The following LRP1 variants were observed in gnomAD, a reference collection of about 807,000 sequenced individuals.
The protein encoded by LRP1 is LDL receptor related protein 1.
Under a neutral mutation model 541.5 loss-of-function variants are expected in LRP1, and 51 were observed. The observed-to-expected ratio is 0.09, with a 90% CI of 0.08 to 0.12. The LOEUF (loss-of-function observed/expected upper bound fraction) is 0.12, where lower values mean the gene tolerates loss of function less well. Ranked by LOEUF, LRP1 falls within the 10% of genes least tolerant of loss-of-function variation. The pLI is 1.00. For missense variants in LRP1, 3,878 were observed against 6,376.2 expected (o/e 0.61, Z 13.34); for synonymous variants, 2,219 against 2,470.8 (o/e 0.90, Z 3.02).
Position 57,184,194 on chromosome 12 carries a change from C to T in LRP1, c.6039C>T (p.Ile2013=), listed in dbSNP as rs372035479. The change falls in exon 37 of 89, where the codon ATC becomes ATT. Residue 2013 remains isoleucine (I), a synonymous_variant. Transcript: ENST00000243077. The surrounding 1 kb of genome is among the most constrained non-coding windows in gnomAD (Gnocchi z 7.8). ...ISQGLDKPRA[I]TVHPEKGYLF... is the part of the protein sequence containing the mutation. ...AGGGTCTAGACAAGCCCCGGGCCAT[C>T]ACCGTCCACCCGGAGAAAGGGTGAG... The T allele has an allele frequency of 6.2e-6, 10 of 1,614,020 alleles. No homozygotes were observed. The highest frequency in any genetic ancestry group is 1.6e-4 in the Middle Eastern group (1 of 6,062).
Position 57,189,896 on chromosome 12 carries a change from C to G in LRP1, c.7032-909C>G, listed in dbSNP as rs1202645239. ...GCTCTGGGACCGAGGACCCAGGGCT[C>G]ACCATCCAATGCCGGTGGTCCAAGG... On this transcript the variant is annotated intron_variant, in intron 42 of 88. Coordinates refer to ENST00000243077, the MANE Select transcript of LRP1 (RefSeq NM_002332.3). This position sits in a 1 kb window ranked among gnomAD's most constrained non-coding sequence, Gnocchi z 4.4. Among the ~76,000 whole-genome samples, 1 of 152,108 alleles carries G rather than the reference C, an allele frequency of 6.6e-6. No individual in the cohort carries two copies. Among genetic ancestry groups the G allele is most frequent in the Non-Finnish European group, 1.5e-5 (1 of 68,008 alleles).
chr12:57,146,601 G>A (rs757728478), intron 6 of LRP1: 10 of 152,202 alleles, frequency 6.6e-5, no homozygotes, highest in Non-Finnish European at 1.0e-4. Flanking sequence ...GGATGGTGGC[G>A]AGCAGGGGTT....
At chr12:57,192,575 C>G (rs906100682) in intron 44 of LRP1, among the ~76,000 whole-genome samples, 1 of 152,156 alleles carries the variant, frequency 6.6e-6, no homozygotes, top group Non-Finnish European at 1.5e-5. Context: ...CCCTCAGACT[C>G]GAATCTCTCA....
chr12:57,158,288 TA>T lies in LRP1; in HGVS notation c.1562-112del. 1.2e-6 allele frequency: 1 copy of T among 836,666 alleles called. No individual in the cohort carries two copies. Among genetic ancestry groups the T allele is most frequent in the Non-Finnish European group, 1.9e-6 (1 of 518,658 alleles). The allele number at this position is 836,666 out of a possible 1,614,324, so 51.8% of individuals were successfully genotyped here. A position where few individuals can be genotyped will look rare whatever the true frequency, so the allele number is the denominator to read the frequency against. On this transcript the variant is annotated intron_variant, in intron 10 of 88. Transcript: ENST00000243077. This position sits in a 1 kb window ranked among gnomAD's most constrained non-coding sequence, Gnocchi z 5.3. ...CATCTGACCCAGAGCCTCGCATCCC[TA>T]ACGTCTCCTGACCCATCACAGCTAG... is the stretch of plus-strand genomic sequence containing the variant.
chr12:57,162,665 C>A lies in LRP1; in HGVS notation c.2404+147C>A, dbSNP rs1026727662. The A allele has an allele frequency of 3.6e-6, 4 of 1,099,852 alleles. No individual in the cohort carries two copies. The highest frequency in any genetic ancestry group is 5.2e-6 in the Non-Finnish European group (4 of 765,264). 68.1% of individuals were successfully genotyped at this position (1,099,852 alleles called of 1,614,324 possible). ...GATCCTGAGAAGAGAACTCCCCCAA[C>A]ACAATCTGATTCTCTGTTCCCCATT... is the stretch of plus-strand genomic sequence containing the variant. On this transcript the variant is annotated intron_variant, in intron 14 of 88. Coordinates refer to ENST00000243077, the MANE Select transcript of LRP1 (RefSeq NM_002332.3). The surrounding 1 kb of genome is among the most constrained non-coding windows in gnomAD (Gnocchi z 5.2).
chr12:57,203,671 A>T (rs951224346), intron 70 of LRP1, 150 bp downstream of exon 70: 1 of 1,042,902 alleles, frequency 9.6e-7, no homozygotes, highest in Non-Finnish European at 1.3e-6. Flanking sequence ...GCACTGCCAT[A>T]GGTGTTAGGG....
Position 57,165,498 on chromosome 12 carries a change from A to C in LRP1, c.2531-307A>C. 3 of 244,258 alleles carry C rather than the reference A, an allele frequency of 1.2e-5. No individual in the cohort carries two copies. The highest frequency in any genetic ancestry group is 1.6e-5 in the Non-Finnish European group (2 of 125,136). The allele number at this position is 244,258 out of a possible 1,614,324, so 15.1% of individuals were successfully genotyped here. On this transcript the variant is annotated intron_variant, in intron 15 of 88. Coordinates refer to ENST00000243077, the MANE Select transcript of LRP1 (RefSeq NM_002332.3). This position sits in a 1 kb window ranked among gnomAD's most constrained non-coding sequence, Gnocchi z 4.5. ...GGGAAGTTCATGGAGAAGTCAGGGA[A>C]GGAGTGGGGAGAGCCTGTTCGGTGG...
rs541919884 is a variant in LRP1, at chr12:57,172,513, T to C, written c.3164-655T>C. Among the ~76,000 whole-genome samples, 16 of 152,230 alleles carry C rather than the reference T, an allele frequency of 1.1e-4. No homozygotes were observed. In the South Asian group the frequency reaches 3.1e-3, roughly 30 times the overall value. On this transcript the variant is annotated intron_variant, in intron 20 of 88. Transcript: ENST00000243077. ...TGCTGGCGTAGTCCTATCTCGGAGA[T>C]GAGACTTTGCAGCGGCTGTTCCCCT...
intron 1 of LRP1, among the ~76,000 whole-genome samples, chr12:57,131,686 GT>G (rs2035042626): frequency 6.6e-6 from 1 of 152,166 alleles, no homozygotes; most frequent in African/African-American, 2.4e-5. Context: ...TCATTTTGGG[GT>G]TGGAGGGATA....
rs34010163 is a variant in LRP1, at chr12:57,177,947, C to CTTT, written c.4361+373_4361+375dup. 2.5e-5 allele frequency among the ~76,000 whole-genome samples: 3 copies of CTTT among 121,370 alleles called. No individual in the cohort carries two copies. The highest frequency in any genetic ancestry group is 5.0e-5 in the Non-Finnish European group (3 of 59,800). 79.6% of individuals were successfully genotyped at this position (121,370 alleles called of 152,430 possible). On this transcript the variant is annotated intron_variant, in intron 26 of 88. Coordinates refer to ENST00000243077, the MANE Select transcript of LRP1 (RefSeq NM_002332.3). This position sits in a 1 kb window ranked among gnomAD's most constrained non-coding sequence, Gnocchi z 6.8. ...CCCAGGGAGGGTGCCTTTTTCTTTT[C>CTTT]TTTTTTTTTTTTTTTTTTTGAGACA... is the stretch of plus-strand genomic sequence containing the variant.
chr12:57,177,688 G>A lies in LRP1; in HGVS notation c.4361+97G>A. 3 of 1,408,670 alleles carry A rather than the reference G, an allele frequency of 2.1e-6. No individual in the cohort carries two copies. The highest frequency in any genetic ancestry group is 2.9e-6 in the Non-Finnish European group (3 of 1,025,662). The allele number at this position is 1,408,670 out of a possible 1,614,324, so 87.3% of individuals were successfully genotyped here. A position where few individuals can be genotyped will look rare whatever the true frequency, so the allele number is the denominator to read the frequency against. On this transcript the variant is annotated intron_variant, in intron 26 of 88. Coordinates refer to ENST00000243077, the MANE Select transcript of LRP1 (RefSeq NM_002332.3). The surrounding 1 kb of genome is among the most constrained non-coding windows in gnomAD (Gnocchi z 6.8). ...GATGAGGGTGATGAGAAGGACCAAG[G>A]GATCTAGAACTAGGAACGGTGGCAA... is the stretch of plus-strand genomic sequence containing the variant.
At chr12:57,168,765 C>T (rs754306354) in intron 19 of LRP1, among the ~76,000 whole-genome samples, 2 of 152,324 alleles carry the variant, frequency 1.3e-5, no homozygotes, top group South Asian at 2.1e-4. Context: ...AAGCCGGCCA[C>T]GCCTGCACCC....
chr12:57,145,385 C>T lies in LRP1; in HGVS notation c.736C>T (p.His246Tyr), dbSNP rs918418849. 7 of 1,614,176 alleles carry T rather than the reference C, an allele frequency of 4.3e-6. No homozygotes were observed. The highest frequency in any genetic ancestry group is 5.9e-6 in the Non-Finnish European group (7 of 1,180,038). The change falls in exon 6 of 89, where the codon CAT becomes TAT. Residue 246 changes from histidine to tyrosine, a missense_variant. Coordinates refer to ENST00000243077, the MANE Select transcript of LRP1 (RefSeq NM_002332.3). ...SYANETVCWV[H>Y]VGDSAAQTQL... ...TGCCAACGAGACCGTATGCTGGGTG[C>T]ATGTTGGGGACAGTGCTGCTCAGAC...
chr12:57,145,066 G>A lies in LRP1; in HGVS notation c.543G>A (p.Leu181=), dbSNP rs147481235. 1.9e-4 allele frequency: 306 copies of A among 1,614,042 alleles called. No individual in the cohort carries two copies. In the African/African-American group the frequency reaches 3.3e-3, roughly 17 times the overall value. ...GTGGCTGTGTTGAAGGATACCTCCT[G>A]CAGCCGGATAACCGCTCCTGCAAGG... ...FICGCVEGYL[L]QPDNRSCKAK... The change falls in exon 5 of 89, where the codon CTG becomes CTA. Residue 181 remains leucine, a synonymous_variant. Transcript: ENST00000243077.
At position 57,205,448 on chromosome 12, in the gene LRP1, G is replaced by A. The variant is rs529764539; in HGVS notation, c.11433G>A (p.Ser3811=). Residue 3811 remains serine, a synonymous_variant, in exon 74 of 89, where the codon TCG becomes TCA. Coordinates refer to ENST00000243077, the MANE Select transcript of LRP1 (RefSeq NM_002332.3). The surrounding 1 kb of genome is among the most constrained non-coding windows in gnomAD (Gnocchi z 4.6). ...AAGCGGCCTACTGTGCCTGCCGCTCGGGCTTCCACACCGTGCCCGGCCAGC... is the reference window on the plus strand; with the variant it reads ...AAGCGGCCTACTGTGCCTGCCGCTCAGGCTTCCACACCGTGCCCGGCCAGC... ...TEKAAYCACR[S]GFHTVPGQPG... The A allele has an allele frequency of 8.1e-6, 13 of 1,611,158 alleles. No individual in the cohort carries two copies. Among genetic ancestry groups the A allele is most frequent in the African/African-American group, 4.0e-5 (3 of 74,998 alleles).
In LRP1 at chr12:57,212,133, C is replaced by T; in HGVS notation, c.13366C>T (p.His4456Tyr). ...RRVQGAKGFQHQRMTNGAMNV... is the reference protein window; with the variant it reads ...RRVQGAKGFQYQRMTNGAMNV... Reference sequence around the variant, plus strand: ...TTTCCCCAGGGCTAAGGGCTTCCAGCACCAACGGATGACCAACGGGGCCAT... The same window carrying T: ...TTTCCCCAGGGCTAAGGGCTTCCAGTACCAACGGATGACCAACGGGGCCAT... The change falls in exon 88 of 89, where the codon CAC becomes TAC. Residue 4456 changes from histidine (H) to tyrosine (Y), a missense_variant. This residue lies in a region of LRP1 where 871 missense variants were observed against 1,212.4 expected (regional missense o/e 0.72). Coordinates refer to ENST00000243077, the MANE Select transcript of LRP1 (RefSeq NM_002332.3). This position sits in a 1 kb window ranked among gnomAD's most constrained non-coding sequence, Gnocchi z 5.0. 1 of 1,613,972 alleles carries T rather than the reference C, an allele frequency of 6.2e-7. No individual in the cohort carries two copies. Among genetic ancestry groups the T allele is most frequent in the Non-Finnish European group, 8.5e-7 (1 of 1,179,964 alleles).
At position 57,172,458 on chromosome 12, in the gene LRP1, C is replaced by T. The variant is rs539360899; in HGVS notation, c.3164-710C>T. On this transcript the variant is annotated intron_variant, in intron 20 of 88. Transcript: ENST00000243077. ...TGCTGGGATTACAGGCGTGAGCCAC[C>T]GCGCCTGGCCTGTGTGCTGTTTTCT... 1.2e-4 allele frequency among the ~76,000 whole-genome samples: 19 copies of T among 152,288 alleles called. No homozygotes were observed. The East Asian group carries it at 2.9e-3, about 23-fold the overall frequency.
intron 61 of LRP1, 129 bp downstream of exon 61, chr12:57,199,529 T>A (rs923664942): frequency 2.9e-5 from 30 of 1,028,680 alleles, no homozygotes; most frequent in Non-Finnish European, 4.2e-5. Context: ...TCCAGGAGGG[T>A]CTAGACAGGG....
Position 57,178,615 on chromosome 12 carries a change from G to C in LRP1, c.4606+12G>C, listed in dbSNP as rs376502118. ...CCGCCAGCCCATGGGTAAGGGGCTC[G>C]GGGCCTCGAGCAGCCGGAAGGGAGC... On this transcript the variant is annotated intron_variant, in intron 27 of 88. Coordinates refer to ENST00000243077, the MANE Select transcript of LRP1 (RefSeq NM_002332.3). This position sits in a 1 kb window ranked among gnomAD's most constrained non-coding sequence, Gnocchi z 5.8. 2 of 1,613,864 alleles carry C rather than the reference G, an allele frequency of 1.2e-6. No homozygotes were observed. Among genetic ancestry groups the C allele is most frequent in the East Asian group, 2.2e-5 (1 of 44,876 alleles).
Sources: gnomAD v4.1 joint callset for allele counts (sites outside exome capture counted in the v4.1 genomes callset) on GRCh38, gnomAD v4.1.1 for gene constraint, gnomAD v4.1.1 regional missense constraint, Gnocchi (gnomAD v3.1) non-coding constraint, MANE v1.5 for transcripts, NCBI Gene and HGNC (gene_info 2026-07-23, HGNC 2026-07-21) for gene names.